TENM2: variants seen among roughly 807,000 people sequenced by gnomAD.
TENM2 encodes the protein teneurin-2.
TENM2 carries 52 observed loss-of-function variants against 245.2 expected under a neutral mutation model. That is an observed-to-expected ratio of 0.21 (90% CI 0.17 to 0.27). TENM2 has a LOEUF of 0.27. TENM2 is among the 10% of genes least tolerant of loss of function. The pLI, the probability that TENM2 is intolerant of heterozygous loss-of-function variation, is 1.00. For synonymous variants in TENM2, 1,363 were observed against 1,438.9 expected, an observed-to-expected ratio of 0.95 and a Z score of 1.19; for missense variants, 3,046 against 3,666.8, an observed-to-expected ratio of 0.83 and a Z score of 4.37.
the TENM2 span, among the ~76,000 whole-genome samples, chr5:167,014,531 C>T: frequency 6.6e-6 from 1 of 152,100 alleles, no homozygotes; most frequent in African/African-American, 2.4e-5. Context: ...TTAATGGATT[C>T]TCCACCCCTC....
chr5:167,321,825 TG>T (rs1756764335), intron 1 of TENM2, among the ~76,000 whole-genome samples: 1 of 13,182 alleles, frequency 7.6e-5, no homozygotes, highest in Non-Finnish European at 1.4e-4. Context: ...GGGGGGGGGG[TG>T]GATGGAGTCA....
chr5:168,122,919 T>C (rs917084419), intron 10 of TENM2, among the ~76,000 whole-genome samples: 1 of 152,172 alleles, frequency 6.6e-6, no homozygotes, highest in Admixed American at 6.5e-5. Flanking sequence ...ATTTCTCAAG[T>C]CTGTTGTCCC....
intron 2 of TENM2, among the ~76,000 whole-genome samples, chr5:167,652,256 C>T (rs77878541): frequency 0.033 from 5,036 of 152,222 alleles, 164 homozygotes; most frequent in East Asian, 0.19. Flanking sequence ...TTTAAAAATG[C>T]AAATCAAATC....
the TENM2 span, among the ~76,000 whole-genome samples, chr5:167,147,372 T>A: frequency 8.5e-5 from 13 of 152,278 alleles, no homozygotes; most frequent in Non-Finnish European, 1.6e-4. Context: ...AAGGACTGAT[T>A]ATCTCTGATG....
At chr5:168,188,418 A>T (rs1760665128) in intron 13 of TENM2, among the ~76,000 whole-genome samples, 1 of 152,222 alleles carries the variant, frequency 6.6e-6, no homozygotes, top group South Asian at 2.1e-4. Flanking sequence ...CAGCCGAGTG[A>T]ATAAGGATTG....
intron 2 of TENM2, among the ~76,000 whole-genome samples, chr5:167,545,772 A>G (rs1304493387): frequency 3.3e-5 from 5 of 152,214 alleles, no homozygotes; most frequent in Admixed American, 2.0e-4. Flanking sequence ...TAATTTGGGC[A>G]TAATAATCTT....
chr5:167,536,631 T>C (rs779975462), intron 2 of TENM2, among the ~76,000 whole-genome samples: 1 of 152,198 alleles, frequency 6.6e-6, no homozygotes, highest in African/African-American at 2.4e-5. Context: ...GATTTTAGCA[T>C]GGAGCCAGGC....
At chr5:168,053,699 C>T (rs11750851) in intron 6 of TENM2, among the ~76,000 whole-genome samples, 21,126 of 152,126 alleles carry the variant, frequency 0.14, 1,643 homozygotes, top group East Asian at 0.23. Flanking sequence ...GAAAATACTA[C>T]ACCATTTTAT....
At chr5:167,086,135 A>G in the TENM2 span, among the ~76,000 whole-genome samples, 1 of 152,206 alleles carries the variant, frequency 6.6e-6, no homozygotes, top group African/African-American at 2.4e-5. Flanking sequence ...TGTTACAGTG[A>G]CAGATGTCAC....
chr5:167,022,419 TA>T, the TENM2 span, among the ~76,000 whole-genome samples: 1 of 152,150 alleles, frequency 6.6e-6, no homozygotes, highest in East Asian at 1.9e-4. Context: ...GATTTCAGAG[TA>T]AATAACCAGT....
chr5:167,039,530 A>C, the TENM2 span, among the ~76,000 whole-genome samples: 95,585 of 151,884 alleles, frequency 0.63, 32,132 homozygotes, highest in African/African-American at 0.88. Context: ...CCTGAGGCCA[A>C]TGTGGCCTCT....
chr5:168,255,803 ATTTAT>A (rs1053704982), intron 27 of TENM2, among the ~76,000 whole-genome samples: 5 of 151,706 alleles, frequency 3.3e-5, no homozygotes, highest in East Asian at 1.9e-4. Flanking sequence ...TTTTTTATTT[ATTTAT>A]TTTATTTTAT....
intron 2 of TENM2, among the ~76,000 whole-genome samples, chr5:167,403,076 G>C (rs1304966764): frequency 2.0e-5 from 3 of 152,168 alleles, no homozygotes; most frequent in Non-Finnish European, 2.9e-5. Context: ...TATGGTTATA[G>C]TTTCTCTCTC....
chr5:167,800,538 A>C (rs533199214), intron 2 of TENM2, among the ~76,000 whole-genome samples: 2 of 152,116 alleles, frequency 1.3e-5, no homozygotes, highest in African/African-American at 4.8e-5. Context: ...TTGTGAAAAT[A>C]TTTTCAGCAG....
chr5:167,032,803 G>T, the TENM2 span, among the ~76,000 whole-genome samples: 2 of 151,988 alleles, frequency 1.3e-5, no homozygotes, highest in African/African-American at 4.8e-5. Context: ...AAATGTGGGG[G>T]TATTACAGAG....
chr5:167,923,498 A>G (rs1364806549), intron 3 of TENM2, among the ~76,000 whole-genome samples: 2 of 152,100 alleles, frequency 1.3e-5, no homozygotes, highest in African/African-American at 4.8e-5. Flanking sequence ...TAATCTCAGA[A>G]CCTCCGCCGC....
chr5:167,016,007 C>T, the TENM2 span, among the ~76,000 whole-genome samples: 2 of 152,024 alleles, frequency 1.3e-5, no homozygotes, highest in Non-Finnish European at 2.9e-5. Context: ...GTAATCCCAG[C>T]ACTTTGGGAG....
At chr5:167,679,632 A>C (rs1756566496) in intron 2 of TENM2, among the ~76,000 whole-genome samples, 1 of 152,116 alleles carries the variant, frequency 6.6e-6, no homozygotes, top group Non-Finnish European at 1.5e-5. Context: ...TAATAGGAAA[A>C]CCTTTGAAAC....
the TENM2 span, among the ~76,000 whole-genome samples, chr5:167,077,200 G>A: frequency 6.6e-6 from 1 of 152,204 alleles, no homozygotes; most frequent in Non-Finnish European, 1.5e-5. Flanking sequence ...TGTTGGAAAT[G>A]TAAAGAATAA....
Sources: gnomAD v4.1 joint callset for allele counts (sites outside exome capture counted in the v4.1 genomes callset) on GRCh38, gnomAD v4.1.1 for gene constraint, MANE v1.5 for transcripts, NCBI Gene and HGNC (gene_info 2026-07-23, HGNC 2026-07-21) for gene names.